PRUNE2: variants seen among roughly 807,000 people sequenced by gnomAD.
PRUNE2 encodes prune homolog 2 with BCH domain.
PRUNE2 carries 164 observed loss-of-function variants against 252.0 expected under a neutral mutation model. That is an observed-to-expected ratio of 0.65 (90% CI 0.57 to 0.74). PRUNE2 has a LOEUF of 0.74. PRUNE2 is among the 30% of genes least tolerant of loss of function. The probability of loss-of-function intolerance (pLI) is 0.00; values close to 1 mark genes in which losing one functional copy is unlikely to be tolerated. For missense variants in PRUNE2, 3,495 were observed against 3,711.0 expected, an observed-to-expected ratio of 0.94 and a Z score of 1.51; for synonymous variants, 1,292 against 1,350.2, an observed-to-expected ratio of 0.96 and a Z score of 0.94.
intron 9 of PRUNE2, among the ~76,000 whole-genome samples, chr9:76,698,117 G>C (rs977999007): frequency 2.6e-5 from 4 of 151,634 alleles, no homozygotes; most frequent in Non-Finnish European, 5.9e-5. Context: ...TGTGATCTCG[G>C]CTCACTGCAA....
chr9:76,720,889 G>A (rs370793671), intron 6 of PRUNE2, among the ~76,000 whole-genome samples: 4 of 152,054 alleles, frequency 2.6e-5, no homozygotes, highest in Admixed American at 6.6e-5. Flanking sequence ...TGAGGCGGGC[G>A]GATCACAAGA....
At chr9:76,879,897 ATATATATTTTTTTTT>A (rs2061670561) in intron 1 of PRUNE2, among the ~76,000 whole-genome samples, 1 of 81,466 alleles carries the variant, frequency 1.2e-5, no homozygotes, top group Non-Finnish European at 2.2e-5. Context: ...ATATATATAT[ATATATATTTTTTTTT>A]TTTTTTTTTT....
chr9:76,714,304 G>A (rs2046967228), intron 6 of PRUNE2, among the ~76,000 whole-genome samples: 1 of 152,190 alleles, frequency 6.6e-6, no homozygotes, highest in Non-Finnish European at 1.5e-5. Context: ...ATTGCAGAAA[G>A]GGATCCCAAT....
intron 15 of PRUNE2, among the ~76,000 whole-genome samples, chr9:76,629,649 G>T (rs1158732281): frequency 6.6e-6 from 1 of 150,622 alleles, no homozygotes; most frequent in African/African-American, 2.4e-5. Flanking sequence ...CAATTTTCTA[G>T]GATGCAATAC....
In PRUNE2 at chr9:76,879,878, C is replaced by CATATAT. The variant is rs1391636538; in HGVS notation, c.37-25676_37-25671dup. 1.5e-3 allele frequency among the ~76,000 whole-genome samples: 116 copies of CATATAT among 75,356 alleles called. 2 individuals carry two copies. Among genetic ancestry groups the CATATAT allele is most frequent in the East Asian group, 6.2e-3 (12 of 1,942 alleles). 49.4% of individuals were successfully genotyped at this position (75,356 alleles called of 152,430 possible). A position where few individuals can be genotyped will look rare whatever the true frequency, so the allele number is the denominator to read the frequency against. ...TCAGTTCTGTAAGAAAGAGGCCTGT[C>CATATAT]ATATATATATATATATATATATATA... On this transcript the variant is annotated intron_variant, in intron 1 of 18. Transcript: ENST00000376718.
chr9:76,708,667 C>T lies in PRUNE2; in HGVS notation c.3607G>A (p.Glu1203Lys), dbSNP rs2046480033. The change falls in exon 8 of 19, where the codon GAA (glutamate) becomes AAA (lysine). Residue 1203 changes from glutamate (E) to lysine (K), a missense_variant. Transcript: ENST00000376718. ...DEHTKDSAPS[E>K]HHTLNEKSGQ... ...CTTTTCTCATTCAATGTGTGATGTTCACTGGGAGCACTGTCCTTGGTATGC... is the reference window on the plus strand; with the variant it reads ...CTTTTCTCATTCAATGTGTGATGTTTACTGGGAGCACTGTCCTTGGTATGC... The T allele has an allele frequency of 1.2e-6, 2 of 1,613,840 alleles. No individual in the cohort carries two copies. Among genetic ancestry groups the T allele is most frequent in the Admixed American group, 1.7e-5 (1 of 59,978 alleles).
chr9:76,770,212 T>C (rs1222752124), intron 6 of PRUNE2, among the ~76,000 whole-genome samples: 1 of 152,166 alleles, frequency 6.6e-6, no homozygotes, highest in Non-Finnish European at 1.5e-5. Context: ...TTGAAGATTA[T>C]TTTTACCCTT....
intron 6 of PRUNE2, among the ~76,000 whole-genome samples, chr9:76,772,740 T>A (rs1323394717): frequency 2.0e-5 from 3 of 152,070 alleles, no homozygotes; most frequent in Non-Finnish European, 2.9e-5. Context: ...ATTGTTTAAT[T>A]TTTTGTAGAG....
At chr9:76,841,982 C>CA (rs2059417836) in intron 4 of PRUNE2, among the ~76,000 whole-genome samples, 1 of 152,030 alleles carries the variant, frequency 6.6e-6, no homozygotes, top group African/African-American at 2.4e-5. Flanking sequence ...TCACAAAATT[C>CA]AAAAAAACTA....
intron 18 of PRUNE2, chr9:76,615,200 G>A (rs1828846229): frequency 2.0e-6 from 2 of 985,242 alleles, no homozygotes; most frequent in Non-Finnish European, 2.4e-6. Flanking sequence ...CTCGAATCAC[G>A]TCTCTCTTCT....
chr9:76,872,296 A>G (rs111943535), intron 1 of PRUNE2, among the ~76,000 whole-genome samples: 222 of 152,312 alleles, frequency 1.5e-3, no homozygotes, highest in African/African-American at 4.9e-3. Context: ...TAAGAAGTGG[A>G]GGAAGAGAGA....
At chr9:76,897,130 T>G (rs180686932) in intron 1 of PRUNE2, among the ~76,000 whole-genome samples, 204 of 152,310 alleles carry the variant, frequency 1.3e-3, no homozygotes, top group Non-Finnish European at 2.4e-3. Flanking sequence ...GATTTTAACA[T>G]AAAACAAGCA....
intron 1 of PRUNE2, among the ~76,000 whole-genome samples, chr9:76,895,674 A>G (rs1263294677): frequency 6.6e-6 from 1 of 152,170 alleles, no homozygotes; most frequent in Admixed American, 6.5e-5. Context: ...TATGTACTTT[A>G]TGTCAGTGAT....
At chr9:76,873,720 T>C (rs1451423791) in intron 1 of PRUNE2, among the ~76,000 whole-genome samples, 1 of 152,244 alleles carries the variant, frequency 6.6e-6, no homozygotes, top group Non-Finnish European at 1.5e-5. Flanking sequence ...TTTGTGAATT[T>C]GTGCTCTGGC....
chr9:76,670,140 T>C lies in PRUNE2; in HGVS notation c.8277-14638A>G, dbSNP rs983248204. The stretch of plus-strand genomic sequence containing the variant: ...ATTTCTGCATTTCCATCTGAGGTAC[T>C]GGGTTCATCTCACTAGGGAGTGCCA... On this transcript the variant is annotated intron_variant, in intron 9 of 18. Coordinates refer to ENST00000376718, the MANE Select transcript of PRUNE2 (RefSeq NM_015225.3). Among the ~76,000 whole-genome samples the C allele has an allele frequency of 5.3e-5, 8 of 152,188 alleles. No individual in the cohort carries two copies. In the East Asian group the frequency reaches 5.8e-4, roughly 11 times the overall value.
chr9:76,885,574 T>C (rs570075213), intron 1 of PRUNE2, among the ~76,000 whole-genome samples: 6 of 152,164 alleles, frequency 3.9e-5, no homozygotes, highest in Non-Finnish European at 8.8e-5. Flanking sequence ...TGATAAACAG[T>C]GGACTAGGAT....
chr9:76,710,318 C>A lies in PRUNE2; in HGVS notation c.1956G>T (p.Arg652=), dbSNP rs765763473. The stretch of plus-strand genomic sequence containing the variant: ...CCAAACCACCCCACCAGCTGCTGCA[C>A]CGTGCATGGGTCTGAGGTGGCCCCA... ...GHMGPPQTHA[R]CSSWWGGLEI... is the part of the protein sequence containing the mutation. Residue 652 remains arginine, a synonymous_variant, in exon 8 of 19, where the codon CGG becomes CGT. Coordinates refer to ENST00000376718, the MANE Select transcript of PRUNE2 (RefSeq NM_015225.3). 2 of 1,614,012 alleles carry A rather than the reference C, an allele frequency of 1.2e-6. No homozygotes were observed. Among genetic ancestry groups the A allele is most frequent in the African/African-American group, 1.3e-5 (1 of 75,048 alleles).
intron 4 of PRUNE2, among the ~76,000 whole-genome samples, chr9:76,830,113 T>C (rs13299187): frequency 2.0e-5 from 3 of 152,058 alleles, no homozygotes; most frequent in African/African-American, 7.2e-5. Flanking sequence ...ATTAGATGCA[T>C]GGGGGAAAAG....
At chr9:76,830,346 A>T (rs1197041449) in intron 4 of PRUNE2, among the ~76,000 whole-genome samples, 1 of 152,192 alleles carries the variant, frequency 6.6e-6, no homozygotes, top group African/African-American at 2.4e-5. Flanking sequence ...GAAAGACATT[A>T]TTCAAACGTT....
Sources: gnomAD v4.1 joint callset for allele counts (sites outside exome capture counted in the v4.1 genomes callset) on GRCh38, gnomAD v4.1.1 for gene constraint, MANE v1.5 for transcripts, NCBI Gene and HGNC (gene_info 2026-07-23, HGNC 2026-07-21) for gene names.